Variants in THOC2 observed in about 807,000 individuals in gnomAD.
The protein encoded by THOC2 is THO complex subunit 2, also known as THO complex 2.
In THOC2, 10 loss-of-function variants were observed where a neutral mutation model predicts 128.4. The observed-to-expected ratio is 0.08, with a 90% CI of 0.05 to 0.13. The LOEUF (loss-of-function observed/expected upper bound fraction) is 0.13, where lower values mean the gene tolerates loss of function less well. Ranked by LOEUF, THOC2 falls within the 10% of genes least tolerant of loss-of-function variation. The pLI is 1.00. For missense variants in THOC2, 535 were observed against 1,155.7 expected (o/e 0.46, Z 7.79); for synonymous variants, 393 against 396.9 (o/e 0.99, Z 0.12).
rs748098444 is a variant in THOC2, at chrX:123,636,149, A to T, written c.1948T>A (p.Phe650Ile). The T allele has an allele frequency of 8.3e-7, 1 of 1,209,287 alleles. No homozygotes were observed. The change falls in exon 19 of 39, where the codon TTT becomes ATT. Residue 650 changes from phenylalanine to isoleucine, a missense_variant. Phe to Ile is a conservative substitution (Grantham distance 21). Coordinates refer to ENST00000245838, the MANE Select transcript of THOC2 (RefSeq NM_001081550.2). ...GCAAGATCAATTGGATATTTACGAA[A>T]AACTGCACCACAGAAACTAGCCAGA... ...QSLASFCGAV[F>I]RKYPIDLAGL...
intron 36 of THOC2, among the ~76,000 whole-genome samples, chrX:123,612,044 G>C (rs1025712943): frequency 3.6e-5 from 4 of 111,323 alleles, no homozygotes; most frequent in African/African-American, 9.8e-5. Flanking sequence ...CAAAGATGTA[G>C]AGAAATCTGC....
chrX:123,671,822 TTCACC>T (rs2049291112), intron 8 of THOC2, 61 bp from the exon 9 acceptor site: 1 of 659,277 alleles, frequency 1.5e-6, no homozygotes. Context: ...AGCAATATCC[TTCACC>T]TACCAATAAC....
intron 8 of THOC2, 29 bp downstream of exon 8, chrX:123,686,519 A>G (rs2147871420): frequency 1.8e-6 from 2 of 1,107,833 alleles, no homozygotes; most frequent in East Asian, 6.0e-5. Flanking sequence ...TCAATCTCTA[A>G]ATATACATAC....
intron 20 of THOC2, among the ~76,000 whole-genome samples, chrX:123,633,481 C>T (rs2047559224): frequency 8.9e-6 from 1 of 111,802 alleles, no homozygotes; most frequent in Non-Finnish European, 1.9e-5. Flanking sequence ...TGGCTCACTG[C>T]AACCTCCGCC....
chrX:123,732,648 C>CA (rs200699839), intron 1 of THOC2, among the ~76,000 whole-genome samples: 1,506 of 111,719 alleles, frequency 0.013, 22 homozygotes, highest in Non-Finnish European at 0.022. Context: ...GAGGGGGACA[C>CA]AAAAAGAGAC....
rs753972626 is a variant in THOC2, at chrX:123,706,820, TAAC to T, written c.222+35_222+37del. ...CTTTGTGTCAAAGCAAAAAGATATA[TAAC>T]AACTATTAACTTAAAAAAATATATA... On this transcript the variant is annotated intron_variant, in intron 3 of 38. Transcript: ENST00000245838. 2.1e-4 allele frequency: 139 copies of T among 656,416 alleles called. 1 individual carries two copies. The Middle Eastern group carries it at 5.5e-3, about 26-fold the overall frequency. The allele number at this position is 656,416 out of a possible 1,213,427, so 54.1% of individuals were successfully genotyped here.
chrX:123,626,100 T>C, intron 24 of THOC2, 31 bp from the exon 25 acceptor site: 1 of 1,097,746 alleles, frequency 9.1e-7, no homozygotes, highest in Non-Finnish European at 1.2e-6. Flanking sequence ...TATTAAGTGG[T>C]AAACTTCTTC....
chrX:123,639,423 C>A (rs2047817906), intron 16 of THOC2, among the ~76,000 whole-genome samples: 1 of 111,903 alleles, frequency 8.9e-6, no homozygotes, highest in Non-Finnish European at 1.9e-5. Flanking sequence ...TCTATGATTT[C>A]TTTCAACAGT....
intron 36 of THOC2, among the ~76,000 whole-genome samples, chrX:123,611,934 G>A (rs1252309968): frequency 9.1e-6 from 1 of 110,234 alleles, no homozygotes; most frequent in Non-Finnish European, 1.9e-5. Flanking sequence ...AGCATCATTA[G>A]TTATTAAGAA....
intron 12 of THOC2, among the ~76,000 whole-genome samples, chrX:123,653,346 T>C (rs1691285440): frequency 8.9e-6 from 1 of 111,878 alleles, no homozygotes; most frequent in South Asian, 3.7e-4. Flanking sequence ...GGCAATACCA[T>C]TTAGGACAAA....
chrX:123,689,962 A>G (rs188253267), intron 7 of THOC2, among the ~76,000 whole-genome samples: 1 of 111,042 alleles, frequency 9.0e-6, no homozygotes, highest in East Asian at 2.8e-4. Context: ...CACCAGCTAC[A>G]TTAATACACA....
At chrX:123,683,866 C>G (rs1010956422) in intron 8 of THOC2, among the ~76,000 whole-genome samples, 1 of 111,175 alleles carries the variant, frequency 9.0e-6, no homozygotes, top group African/African-American at 3.3e-5. Flanking sequence ...TCCAAAAATG[C>G]TGGAATTACA....
At chrX:123,729,523 A>C (rs1387660733) in intron 1 of THOC2, among the ~76,000 whole-genome samples, 1 of 112,232 alleles carries the variant, frequency 8.9e-6, no homozygotes, top group African/African-American at 3.2e-5. Flanking sequence ...CACCCCCAGA[A>C]AAGATTTATG....
rs769147031 is a variant in THOC2 at position 123,638,953 on chromosome X, C to A, written c.1821G>T (p.Leu607=). 2.6e-6 allele frequency: 3 copies of A among 1,161,405 alleles called. No individual in the cohort carries two copies. Among genetic ancestry groups the A allele is most frequent in the Non-Finnish European group, 3.5e-6 (3 of 857,976 alleles). The change falls in exon 17 of 39, where the codon CTG becomes CTT. Residue 607 remains leucine, a synonymous_variant. Transcript: ENST00000245838. ...VVDSLKYLTS[L]NYDVLAYCII... The stretch of plus-strand genomic sequence containing the variant: ...GGATACAGGCCAAGACATCATAATT[C>A]AGTGAAGTGAGGTATTTCAATGAAT...
intron 3 of THOC2, among the ~76,000 whole-genome samples, chrX:123,703,890 T>TAAAAAAAAAAAAAAAAAAA (rs774877149): frequency 8.1e-5 from 3 of 37,029 alleles, no homozygotes; most frequent in African/African-American, 1.5e-4. Flanking sequence ...ACTCTGTCTT[T>TAAAAAAAAAAAAAAAAAAA]AAAAAAAAAA....
At chrX:123,621,066 C>A in intron 31 of THOC2, 91 bp downstream of exon 31, 1 of 1,181,280 alleles carries the variant, frequency 8.5e-7, no homozygotes, top group Non-Finnish European at 1.1e-6. Flanking sequence ...CCTAGCAAAA[C>A]CCCTATATAA....
chrX:123,732,883 A>G, intron 1 of THOC2, 69 bp downstream of exon 1: 1 of 1,074,596 alleles, frequency 9.3e-7, no homozygotes, highest in Non-Finnish European at 1.3e-6. Context: ...ACCTCCCACT[A>G]CAGGTGAGAG....
chrX:123,645,231 C>G, intron 13 of THOC2, 103 bp downstream of exon 13: 1 of 570,913 alleles, frequency 1.8e-6, no homozygotes. Flanking sequence ...CATTATAAAA[C>G]AATTACTCAT....
chrX:123,640,678 T>C (rs1359232808), intron 15 of THOC2, 56 bp from the exon 16 acceptor site: 3 of 687,141 alleles, frequency 4.4e-6, no homozygotes, highest in Non-Finnish European at 6.5e-6. Flanking sequence ...CCTTGTAATG[T>C]TGATAGCTTT....
Sources: allele counts gnomAD v4.1 joint callset (sites outside exome capture counted in the v4.1 genomes callset), GRCh38; gene constraint gnomAD v4.1.1; transcripts MANE v1.5; gene names NCBI Gene and HGNC (gene_info 2026-07-23, HGNC 2026-07-21).